The following PLXNA4 variants were observed in gnomAD, a reference collection of about 807,000 sequenced individuals.
The protein encoded by PLXNA4 is plexin A4.
A neutral mutation model predicts 191.8 loss-of-function variants in PLXNA4; 44 were observed. That is an observed-to-expected ratio of 0.23 (90% confidence interval 0.18 to 0.29). The LOEUF is 0.29. Among genes scored for constraint, PLXNA4 ranks in the 10% least tolerant of loss-of-function variants. PLXNA4 has a pLI of 1.00. For synonymous variants in PLXNA4, 1,082 were observed against 1,009.5 expected, an observed-to-expected ratio of 1.07 and a Z score of -1.36; for missense variants, 1,800 against 2,488.8, an observed-to-expected ratio of 0.72 and a Z score of 5.89.
intron 3 of PLXNA4, among the ~76,000 whole-genome samples, chr7:132,308,589 T>C (rs2116566250): frequency 6.6e-6 from 1 of 152,304 alleles, no homozygotes; most frequent in South Asian, 2.1e-4. Context: ...GCAGGATTTT[T>C]GAAGTCCAGG....
intron 2 of PLXNA4, among the ~76,000 whole-genome samples, chr7:132,489,954 T>C (rs1222700889): frequency 6.6e-6 from 1 of 152,204 alleles, no homozygotes; most frequent in East Asian, 1.9e-4. Flanking sequence ...GTGGTCTCCA[T>C]ATCTGGAGCA....
At chr7:132,580,827 G>T (rs1802388039), upstream of PLXNA4, among the ~76,000 whole-genome samples, 1 of 152,170 alleles carries the variant, frequency 6.6e-6, no homozygotes. Context: ...CCCATGGCTG[G>T]GTCTTGTACC....
At chr7:132,511,702 G>A (rs546059599) in intron 1 of PLXNA4, among the ~76,000 whole-genome samples, 24 of 152,340 alleles carry the variant, frequency 1.6e-4, no homozygotes, top group African/African-American at 5.8e-4. Context: ...GGATTAGAAA[G>A]ATTAGGATTA....
At chr7:132,336,104 C>A (rs1158260760) in intron 3 of PLXNA4, among the ~76,000 whole-genome samples, 1 of 152,206 alleles carries the variant, frequency 6.6e-6, no homozygotes, top group African/African-American at 2.4e-5. Flanking sequence ...AGATTCAAGG[C>A]CCCAGCTGAG....
chr7:132,464,017 T>C (rs1324053193), intron 3 of PLXNA4, among the ~76,000 whole-genome samples: 5 of 152,206 alleles, frequency 3.3e-5, no homozygotes, highest in African/African-American at 1.2e-4. Flanking sequence ...AAAATTCCTA[T>C]GTTTGCCTAA....
chr7:132,639,294 G>A (rs1803670225), intron 2 of PLXNA4, among the ~76,000 whole-genome samples: 1 of 152,188 alleles, frequency 6.6e-6, no homozygotes, highest in Non-Finnish European at 1.5e-5. Context: ...TAGCAGGGTA[G>A]TCTGTGCCTC....
At chr7:132,226,549 CAG>C (rs1274058661) in intron 7 of PLXNA4, among the ~76,000 whole-genome samples, 1 of 152,206 alleles carries the variant, frequency 6.6e-6, no homozygotes, top group Admixed American at 6.5e-5. Flanking sequence ...ATGTCCTGCC[CAG>C]ACTCACAAAA....
chr7:132,475,908 C>T (rs1294107769), intron 3 of PLXNA4, among the ~76,000 whole-genome samples: 2 of 152,102 alleles, frequency 1.3e-5, no homozygotes, highest in African/African-American at 2.4e-5. Flanking sequence ...CCAAAGTGGG[C>T]GAGTCAGAGG....
intron 24 of PLXNA4, 144 bp downstream of exon 24, chr7:132,163,998 G>A (rs529996568): frequency 5.6e-5 from 75 of 1,333,672 alleles, no homozygotes; most frequent in East Asian, 3.8e-4. Context: ...TGGACACAGC[G>A]GGAGCACCTG....
rs562532091 is a variant in PLXNA4 at position 132,254,739 on chromosome 7, T to C, written c.1504-13573A>G. ...TAGTAGTAGGCCAGTTGCTTTCCAT[T>C]AGGAAGTTCGTTTTCAAGGGGTGAG... On this transcript the variant is annotated intron_variant, in intron 4 of 31. Transcript: ENST00000321063. Among the ~76,000 whole-genome samples the C allele has an allele frequency of 3.9e-5, 6 of 152,184 alleles. No homozygotes were observed. In the East Asian group the frequency reaches 1.2e-3, roughly 29 times the overall value.
chr7:132,210,213 AAGAG>A (rs968112828), intron 10 of PLXNA4, among the ~76,000 whole-genome samples: 12 of 152,304 alleles, frequency 7.9e-5, no homozygotes, highest in Admixed American at 5.9e-4. Context: ...CCCAGAAAGA[AAGAG>A]AGAGACCAGA....
chr7:132,637,438 C>A (rs1166826168), intron 2 of PLXNA4, among the ~76,000 whole-genome samples: 1 of 152,144 alleles, frequency 6.6e-6, no homozygotes, highest in Non-Finnish European at 1.5e-5. Context: ...CAGAAGAATG[C>A]AATTTTCCAC....
At chr7:132,158,594 A>C (rs1371996144) in intron 25 of PLXNA4, among the ~76,000 whole-genome samples, 1 of 152,212 alleles carries the variant, frequency 6.6e-6, no homozygotes, top group East Asian at 1.9e-4. Context: ...GCATGATCTC[A>C]CTGAATTCTT....
intron 1 of PLXNA4, among the ~76,000 whole-genome samples, chr7:132,559,920 G>A (rs1386470340): frequency 6.6e-6 from 1 of 152,194 alleles, no homozygotes; most frequent in Non-Finnish European, 1.5e-5. Context: ...GTGAAGCAAA[G>A]ATATGAGAAA....
intron 3 of PLXNA4, among the ~76,000 whole-genome samples, chr7:132,446,743 T>C (rs1344783391): frequency 6.6e-6 from 1 of 152,150 alleles, no homozygotes; most frequent in African/African-American, 2.4e-5. Flanking sequence ...AGGGTTCCAT[T>C]TTACAGAGGA....
At chr7:132,536,559 C>T (rs117414882) in intron 1 of PLXNA4, among the ~76,000 whole-genome samples, 85 of 152,332 alleles carry the variant, frequency 5.6e-4, no homozygotes, top group Non-Finnish European at 1.0e-3. Context: ...CCAAGCTTCT[C>T]CTCTGAGCAA....
At chr7:132,590,978 A>C (rs1802595553) in intron 2 of PLXNA4, among the ~76,000 whole-genome samples, 1 of 152,122 alleles carries the variant, frequency 6.6e-6, no homozygotes, top group African/African-American at 2.4e-5. Context: ...TCTCCTCCCC[A>C]GTGCTCCCTT....
intron 2 of PLXNA4, among the ~76,000 whole-genome samples, chr7:132,622,702 G>A (rs1585411601): frequency 6.6e-6 from 1 of 152,200 alleles, no homozygotes; most frequent in African/African-American, 2.4e-5. Flanking sequence ...CCTTGGAAAT[G>A]TCCTGTCAGA....
intron 5 of PLXNA4, among the ~76,000 whole-genome samples, chr7:132,231,982 C>T (rs1798539588): frequency 6.6e-6 from 1 of 152,134 alleles, no homozygotes; most frequent in African/African-American, 2.4e-5. Flanking sequence ...TACTATCCTC[C>T]AGGATTCATG....
Sources: gnomAD v4.1 joint callset for allele counts (sites outside exome capture counted in the v4.1 genomes callset) on GRCh38, gnomAD v4.1.1 for gene constraint, MANE v1.5 for transcripts, NCBI Gene and HGNC (gene_info 2026-07-23, HGNC 2026-07-21) for gene names.